The following ASAP1 variants were observed in gnomAD, a reference collection of about 807,000 sequenced individuals.
The protein encoded by ASAP1 is ArfGAP with SH3 domain, ankyrin repeat and PH domain 1, also known as arf-GAP with SH3 domain, ANK repeat and PH domain-containing protein 1.
In ASAP1, 43 loss-of-function variants were observed where a neutral mutation model predicts 145.2. The ratio of observed to expected loss-of-function variants is 0.30; its 90% CI spans 0.23 to 0.38. ASAP1 has a LOEUF of 0.38. Among genes scored for constraint, ASAP1 ranks in the 10% least tolerant of loss-of-function variants. The probability of loss-of-function intolerance (pLI) is 1.00; values close to 1 mark genes in which losing one functional copy is unlikely to be tolerated. For synonymous variants in ASAP1, 546 were observed against 515.5 expected (o/e 1.06, Z -0.80); for missense variants, 1,018 against 1,355.3 (o/e 0.75, Z 3.91).
intron 15 of ASAP1, among the ~76,000 whole-genome samples, chr8:130,134,048 G>A (rs1375208363): frequency 6.6e-6 from 1 of 152,196 alleles, no homozygotes; most frequent in Non-Finnish European, 1.5e-5. Context: ...AAGGAGTAGT[G>A]AGCTATAACC....
intron 3 of ASAP1, among the ~76,000 whole-genome samples, chr8:130,349,012 T>C (rs963459395): frequency 1.3e-5 from 2 of 152,182 alleles, no homozygotes; most frequent in African/African-American, 2.4e-5. Flanking sequence ...AGAAAGATTA[T>C]AGCAGTGACA....
intron 1 of ASAP1, among the ~76,000 whole-genome samples, chr8:130,403,635 C>T (rs1828901915): frequency 6.7e-6 from 1 of 149,500 alleles, no homozygotes; most frequent in Non-Finnish European, 1.5e-5. Context: ...TCATTGCAAC[C>T]TCCACCTCCT....
chr8:130,060,566 T>G lies in ASAP1; in HGVS notation c.3192+13A>C. On this transcript the variant is annotated intron_variant, in intron 28 of 29. Coordinates refer to ENST00000518721, the MANE Select transcript of ASAP1 (RefSeq NM_018482.4). ...AATAGGGTTCCTAAGGGCCTGAACA[T>G]TGTCCCACCCACCGTATTGATTTTT... The G allele has an allele frequency of 6.3e-7, 1 of 1,596,436 alleles. No individual in the cohort carries two copies. The highest frequency in any genetic ancestry group is 1.1e-5 in the South Asian group (1 of 87,776).
At chr8:130,305,815 A>G (rs1252818187) in intron 3 of ASAP1, among the ~76,000 whole-genome samples, 1 of 152,214 alleles carries the variant, frequency 6.6e-6, no homozygotes, top group East Asian at 1.9e-4. Context: ...TGGACCACTC[A>G]AATGGACTTT....
chr8:130,359,618 G>GT (rs35447783), intron 2 of ASAP1, among the ~76,000 whole-genome samples: 10,349 of 134,082 alleles, frequency 0.077, 470 homozygotes, highest in African/African-American at 0.095. Context: ...ATCTTGCACT[G>GT]TTTTTTTTTT....
intron 3 of ASAP1, among the ~76,000 whole-genome samples, chr8:130,298,488 A>T (rs1822423384): frequency 6.6e-6 from 1 of 152,082 alleles, no homozygotes; most frequent in Non-Finnish European, 1.5e-5. Flanking sequence ...GTCTACAAAC[A>T]CTGTTACCTT....
At chr8:130,159,527 C>A (rs578177997) in intron 12 of ASAP1, among the ~76,000 whole-genome samples, 4 of 130,472 alleles carry the variant, frequency 3.1e-5, no homozygotes, top group Admixed American at 1.8e-4. Flanking sequence ...GAGGCTGAGG[C>A]AGGAGAATGG....
At chr8:130,443,149 C>G (rs1164887965) in intron 1 of ASAP1, among the ~76,000 whole-genome samples, 2 of 152,032 alleles carry the variant, frequency 1.3e-5, no homozygotes, top group Non-Finnish European at 2.9e-5. Context: ...CGAAACCCCC[C>G]AGGGCGGGCC....
intron 9 of ASAP1, among the ~76,000 whole-genome samples, chr8:130,178,820 C>T (rs1185435829): frequency 4.6e-5 from 7 of 151,216 alleles, no homozygotes; most frequent in South Asian, 4.2e-4. Flanking sequence ...ACCCAGGAGG[C>T]GGAGATTAGA....
intron 28 of ASAP1, 78 bp downstream of exon 28, chr8:130,060,501 A>T: frequency 1.3e-6 from 2 of 1,509,766 alleles, no homozygotes; most frequent in Admixed American, 2.2e-5. Context: ...TTCTTGTGTA[A>T]GTTGGAGCAC....
At chr8:130,294,320 G>A (rs548546885) in intron 3 of ASAP1, among the ~76,000 whole-genome samples, 4 of 152,194 alleles carry the variant, frequency 2.6e-5, no homozygotes, top group Non-Finnish European at 4.4e-5. Flanking sequence ...GCCACGGAGC[G>A]TCAGAAAGGT....
intron 4 of ASAP1, among the ~76,000 whole-genome samples, chr8:130,219,098 A>G (rs1256930327): frequency 6.6e-6 from 1 of 152,120 alleles, no homozygotes; most frequent in Non-Finnish European, 1.5e-5. Context: ...ATGTGCCCCA[A>G]AATGTCAGCT....
At chr8:130,228,082 T>C (rs1817689063) in intron 4 of ASAP1, among the ~76,000 whole-genome samples, 1 of 152,140 alleles carries the variant, frequency 6.6e-6, no homozygotes, top group Non-Finnish European at 1.5e-5. Flanking sequence ...AGTATCTTCA[T>C]CTCATTTCAT....
chr8:130,250,957 G>A (rs1213614605), intron 3 of ASAP1, among the ~76,000 whole-genome samples: 2 of 152,162 alleles, frequency 1.3e-5, no homozygotes, highest in Non-Finnish European at 2.9e-5. Context: ...GGCTATCAAA[G>A]ACTGGAATGT....
At chr8:130,238,836 G>A (rs973431856) in intron 3 of ASAP1, among the ~76,000 whole-genome samples, 3 of 152,048 alleles carry the variant, frequency 2.0e-5, no homozygotes, top group Non-Finnish European at 4.4e-5. Flanking sequence ...ATCCCAAAGT[G>A]TATGCTTTCT....
chr8:130,279,035 C>A (rs1174118627), intron 3 of ASAP1, among the ~76,000 whole-genome samples: 1 of 152,152 alleles, frequency 6.6e-6, no homozygotes, highest in Non-Finnish European at 1.5e-5. Context: ...GAAAGTGATA[C>A]CCTAATAAGG....
intron 1 of ASAP1, among the ~76,000 whole-genome samples, chr8:130,406,886 T>C (rs558910540): frequency 6.6e-6 from 1 of 152,300 alleles, no homozygotes; most frequent in Non-Finnish European, 1.5e-5. Context: ...TATGATGCTA[T>C]TCCTCTTAAG....
chr8:130,168,912 C>T, intron 10 of ASAP1, 80 bp downstream of exon 10: 1 of 831,628 alleles, frequency 1.2e-6, no homozygotes, highest in Non-Finnish European at 1.9e-6. Context: ...CTTTTAACAC[C>T]TTTCTAATAC....
chr8:130,198,261 A>T (rs927097227), intron 5 of ASAP1, among the ~76,000 whole-genome samples: 3 of 151,280 alleles, frequency 2.0e-5, no homozygotes, highest in Non-Finnish European at 4.4e-5. Context: ...AGTAGCTGGG[A>T]CTACAGGCAC....
Sources: gnomAD v4.1 joint callset for allele counts (sites outside exome capture counted in the v4.1 genomes callset) on GRCh38, gnomAD v4.1.1 for gene constraint, MANE v1.5 for transcripts, NCBI Gene and HGNC (gene_info 2026-07-23, HGNC 2026-07-21) for gene names.